ZMAT5: variants seen among roughly 807,000 people sequenced by gnomAD.
ZMAT5 encodes zinc finger matrin-type protein 5.
ZMAT5 carries 23 observed loss-of-function variants against 28.0 expected under a neutral mutation model. The observed-to-expected ratio is 0.82, with a 90% CI of 0.59 to 1.16. The LOEUF is 1.16. ZMAT5 is among the 50% of genes most tolerant of loss of function. The probability of loss-of-function intolerance (pLI) is 0.00; values close to 1 mark genes in which losing one functional copy is unlikely to be tolerated. For synonymous variants in ZMAT5, 76 were observed against 84.1 expected, an observed-to-expected ratio of 0.90 and a Z score of 0.52; for missense variants, 173 against 212.7, an observed-to-expected ratio of 0.81 and a Z score of 1.16.
chr22:29,763,907 G>A (rs924351012), intron 1 of ZMAT5, among the ~76,000 whole-genome samples: 18 of 151,800 alleles, frequency 1.2e-4, no homozygotes, highest in Admixed American at 3.9e-4. Context: ...AACTATGATC[G>A]TGCCACTACA....
chr22:29,732,260 C>CTT (rs2067854679), intron 5 of ZMAT5, among the ~76,000 whole-genome samples: 1 of 152,246 alleles, frequency 6.6e-6, no homozygotes, highest in South Asian at 2.1e-4. Flanking sequence ...ACCCCAGCTG[C>CTT]CTATACAAGA....
chr22:29,745,070 G>A (rs1335647486), intron 2 of ZMAT5, among the ~76,000 whole-genome samples: 1 of 152,248 alleles, frequency 6.6e-6, no homozygotes, highest in East Asian at 1.9e-4. Context: ...ACCACGCCAG[G>A]CTGAGGATTT....
At chr22:29,751,738 G>A (rs1416525901) in intron 1 of ZMAT5, among the ~76,000 whole-genome samples, 1 of 152,188 alleles carries the variant, frequency 6.6e-6, no homozygotes, top group Non-Finnish European at 1.5e-5. Context: ...AGGCCGAGAT[G>A]GGTCGATTGC....
chr22:29,748,623 C>A, intron 1 of ZMAT5, 52 bp from the exon 2 acceptor site: 1 of 1,595,720 alleles, frequency 6.3e-7, no homozygotes, highest in East Asian at 2.2e-5. Flanking sequence ...ACACATCCCT[C>A]ACCAGCCCAC....
chr22:29,743,759 G>C (rs1037737315), intron 2 of ZMAT5, among the ~76,000 whole-genome samples: 2 of 152,164 alleles, frequency 1.3e-5, no homozygotes, highest in Non-Finnish European at 2.9e-5. Flanking sequence ...TATAGGTATG[G>C]TTTTAAATTT....
intron 1 of ZMAT5, among the ~76,000 whole-genome samples, chr22:29,762,441 G>A (rs1322763132): frequency 1.3e-5 from 2 of 152,224 alleles, no homozygotes; most frequent in African/African-American, 4.8e-5. Context: ...AGCTTCATCT[G>A]TATTTACAGC....
Position 29,736,719 on chromosome 22 carries a change from C to CAAA in ZMAT5, c.383+1608_383+1610dup, listed in dbSNP as rs35069848. Among the ~76,000 whole-genome samples the CAAA allele has an allele frequency of 5.7e-3, 142 of 25,066 alleles. 5 individuals are homozygous for CAAA. The highest frequency in any genetic ancestry group is 6.5e-3 in the Non-Finnish European group (92 of 14,148). 16.4% of individuals were successfully genotyped at this position (25,066 alleles called of 152,430 possible). On this transcript the variant is annotated intron_variant, in intron 5 of 5. Transcript: ENST00000344318. ...TGGGTGACAGAGCGAGACTCCATCT[C>CAAA]AAAAAAAAAAAAAAAAAAAAAAAGG...
At chr22:29,756,816 C>T (rs191690694) in intron 1 of ZMAT5, among the ~76,000 whole-genome samples, 11 of 152,010 alleles carry the variant, frequency 7.2e-5, no homozygotes, top group Admixed American at 4.6e-4. Flanking sequence ...GGGAGGCTGA[C>T]GCAGGTGGAT....
At chr22:29,738,257 C>T in intron 5 of ZMAT5, 73 bp downstream of exon 5, 3 of 1,400,852 alleles carry the variant, frequency 2.1e-6, no homozygotes, top group Non-Finnish European at 3.0e-6. Flanking sequence ...ATTCCTGAGC[C>T]TCAGGAAGGG....
intron 5 of ZMAT5, among the ~76,000 whole-genome samples, chr22:29,733,447 C>T (rs1301964038): frequency 6.6e-6 from 1 of 152,224 alleles, no homozygotes; most frequent in Non-Finnish European, 1.5e-5. Context: ...TCAAGGACTC[C>T]GGGGAGCTCT....
chr22:29,744,648 T>C (rs567585435), intron 2 of ZMAT5, among the ~76,000 whole-genome samples: 27 of 152,264 alleles, frequency 1.8e-4, no homozygotes, highest in African/African-American at 6.5e-4. Flanking sequence ...CAAGGGGCTG[T>C]GCCAGGTGGC....
chr22:29,753,918 C>T (rs755950082), intron 1 of ZMAT5, among the ~76,000 whole-genome samples: 17 of 152,078 alleles, frequency 1.1e-4, no homozygotes, highest in Non-Finnish European at 2.5e-4. Flanking sequence ...GCTCTGATGC[C>T]TTTGCCCACA....
At chr22:29,745,436 C>T (rs1032135666) in intron 2 of ZMAT5, among the ~76,000 whole-genome samples, 7 of 152,186 alleles carry the variant, frequency 4.6e-5, no homozygotes, top group Admixed American at 4.6e-4. Context: ...GGCGCAAGCT[C>T]GCTAGGCAGA....
At chr22:29,745,715 G>A (rs554131015) in intron 2 of ZMAT5, among the ~76,000 whole-genome samples, 27 of 152,376 alleles carry the variant, frequency 1.8e-4, no homozygotes, top group African/African-American at 6.5e-4. Context: ...CTGGGGACTG[G>A]TGCCCTGCAC....
intron 1 of ZMAT5, 36 bp from the exon 2 acceptor site, chr22:29,748,607 G>T: frequency 6.2e-7 from 1 of 1,607,976 alleles, no homozygotes; most frequent in South Asian, 1.1e-5. Flanking sequence ...TAGACCATTG[G>T]AGAAAACACA....
intron 5 of ZMAT5, among the ~76,000 whole-genome samples, chr22:29,732,756 A>G (rs1197879653): frequency 1.3e-5 from 2 of 151,552 alleles, no homozygotes; most frequent in East Asian, 3.9e-4. Context: ...AAAAAAAAAA[A>G]AAAAAAGTAC....
chr22:29,763,625 T>A (rs943839441), intron 1 of ZMAT5, among the ~76,000 whole-genome samples: 5 of 147,452 alleles, frequency 3.4e-5, no homozygotes, highest in East Asian at 2.1e-4. Context: ...ATAATAATAA[T>A]AAATAAATAA....
At position 29,731,074 on chromosome 22, in the gene ZMAT5, G is replaced by C. The variant is rs983972538; in HGVS notation, c.*151C>G. ...CTGCCCGGTGCAGACCCAGGACGAGGGCTGCACTTGGTGTGGCCGTGTCCT... is the reference window on the plus strand; with the variant it reads ...CTGCCCGGTGCAGACCCAGGACGAGCGCTGCACTTGGTGTGGCCGTGTCCT... On this transcript the variant is annotated 3_prime_UTR_variant, in exon 6 of 6. Coordinates refer to ENST00000344318, the MANE Select transcript of ZMAT5 (RefSeq NM_001003692.2). The C allele has an allele frequency of 3.9e-6, 3 of 776,126 alleles. No individual in the cohort carries two copies. Among genetic ancestry groups the C allele is most frequent in the Non-Finnish European group, 5.7e-6 (3 of 527,288 alleles). The allele number at this position is 776,126 out of a possible 1,614,324, so 48.1% of individuals were successfully genotyped here. A position where few individuals can be genotyped will look rare whatever the true frequency, so the allele number is the denominator to read the frequency against.
At chr22:29,731,875 CTT>C (rs1378102419) in intron 5 of ZMAT5, 2 of 152,188 alleles carry the variant, frequency 1.3e-5, no homozygotes, top group African/African-American at 4.8e-5. Context: ...TTATGGGTGA[CTT>C]TTTTACTCCT....
Sources: allele counts gnomAD v4.1 joint callset (sites outside exome capture counted in the v4.1 genomes callset), GRCh38; gene constraint gnomAD v4.1.1; transcripts MANE v1.5; gene names NCBI Gene and HGNC (gene_info 2026-07-23, HGNC 2026-07-21).